CLNS1A: variants seen among roughly 807,000 people sequenced by gnomAD.
CLNS1A encodes chloride nucleotide-sensitive channel 1A, also known as methylosome subunit pICln.
Under a neutral mutation model 29.4 loss-of-function variants are expected in CLNS1A, and 16 were observed. The ratio of observed to expected loss-of-function variants is 0.54; its 90% CI spans 0.37 to 0.83. CLNS1A has a LOEUF of 0.83. Among genes scored for constraint, CLNS1A ranks in the 40% least tolerant of loss-of-function variants. The pLI, the probability that CLNS1A is intolerant of heterozygous loss-of-function variation, is 0.00. For synonymous variants in CLNS1A, 96 were observed against 104.8 expected (o/e 0.92, Z 0.51); for missense variants, 235 against 287.4 (o/e 0.82, Z 1.32).
intron 1 of CLNS1A, among the ~76,000 whole-genome samples, chr11:77,636,804 G>A (rs1260096612): frequency 1.3e-5 from 2 of 152,076 alleles, no homozygotes; most frequent in African/African-American, 4.8e-5. Context: ...ATATCTGAAG[G>A]GCAGGAAAGA....
At chr11:77,633,028 A>G (rs1959090144) in intron 1 of CLNS1A, among the ~76,000 whole-genome samples, 1 of 147,670 alleles carries the variant, frequency 6.8e-6, no homozygotes, top group Non-Finnish European at 1.5e-5. Context: ...CGGAGGTTGC[A>G]GTGAACCAAG....
At chr11:77,623,584 C>G (rs1958985670) in intron 4 of CLNS1A, among the ~76,000 whole-genome samples, 1 of 149,328 alleles carries the variant, frequency 6.7e-6, no homozygotes, top group African/African-American at 2.5e-5. Flanking sequence ...AGAGTTAGAC[C>G]CTGTTTAAAA....
intron 5 of CLNS1A, among the ~76,000 whole-genome samples, chr11:77,621,334 G>A (rs769720404): frequency 1.3e-5 from 2 of 151,414 alleles, no homozygotes; most frequent in African/African-American, 2.4e-5. Context: ...CACAATCAGT[G>A]TATATACACA....
At chr11:77,628,470 TC>T (rs1959043258) in intron 2 of CLNS1A, among the ~76,000 whole-genome samples, 1 of 152,232 alleles carries the variant, frequency 6.6e-6, no homozygotes, top group South Asian at 2.1e-4. Flanking sequence ...TTCCTCATCC[TC>T]TTTTTCAAAC....
rs549419364 is a variant in CLNS1A at position 77,635,039 on chromosome 11, A to G, written c.125+2551T>C. Among the ~76,000 whole-genome samples, 5 of 152,316 alleles carry G rather than the reference A, an allele frequency of 3.3e-5. No homozygotes were observed. In the East Asian group the frequency reaches 9.7e-4, roughly 29 times the overall value. ...AGGCTGGTCAAGAACTCCTGGACTC[A>G]AGGGATCTGCTCACCTTGGCCTTCC... On this transcript the variant is annotated intron_variant, in intron 1 of 6. Coordinates refer to ENST00000525428, the MANE Select transcript of CLNS1A (RefSeq NM_001293.3).
Position 77,620,205 on chromosome 11 carries a change from G to C in CLNS1A, c.647-510C>G, listed in dbSNP as rs147234831. Among the ~76,000 whole-genome samples the C allele has an allele frequency of 6.2e-3, 945 of 152,254 alleles. 4 individuals carry two copies. The highest frequency in any genetic ancestry group is 9.2e-3 in the Non-Finnish European group (629 of 68,018). On this transcript the variant is annotated intron_variant, in intron 5 of 6. Transcript: ENST00000525428. ...CTTGAATTCCCACGTGTTGTGGGAG[G>C]GATCTGGTGGGAGGTAACTGAATTA... is the stretch of plus-strand genomic sequence containing the variant.
At chr11:77,631,790 T>G in intron 1 of CLNS1A, among the ~76,000 whole-genome samples, 1 of 151,854 alleles carries the variant, frequency 6.6e-6, no homozygotes. Context: ...CAGGCTGGAG[T>G]GCAGTAGCAT....
At chr11:77,625,172 A>G in intron 3 of CLNS1A, 102 bp from the exon 4 acceptor site, 1 of 734,472 alleles carries the variant, frequency 1.4e-6, no homozygotes, top group East Asian at 2.6e-5. Context: ...AGTATTTACA[A>G]AATCTGCCAA....
intron 4 of CLNS1A, 147 bp from the exon 5 acceptor site, chr11:77,622,820 C>T (rs192031492): frequency 3.4e-4 from 189 of 558,268 alleles, no homozygotes; most frequent in African/African-American, 2.1e-3. Context: ...TGGTGGCACG[C>T]GCCTGTTGTC....
rs1312161853 is a variant in CLNS1A, at chr11:77,616,083, A to C, written c.*635T>G. ...CAAAAATAAAGCCAACAAAATTCTCATATTTGCCAGCATTATTTTTTAAAA... is the reference window on the plus strand; with the variant it reads ...CAAAAATAAAGCCAACAAAATTCTCCTATTTGCCAGCATTATTTTTTAAAA... On this transcript the variant is annotated 3_prime_UTR_variant, in exon 7 of 7. Transcript: ENST00000525428. The C allele has an allele frequency of 6.7e-6, 1 of 149,480 alleles. No homozygotes were observed. The highest frequency in any genetic ancestry group is 1.5e-5 in the Non-Finnish European group (1 of 67,850). 9.3% of individuals were successfully genotyped at this position (149,480 alleles called of 1,614,324 possible).
In CLNS1A at chr11:77,622,667, C is replaced by T; in HGVS notation, c.479G>A (p.Gly160Glu). ...GTAAAATGTAGGGATGTCCCCCTGT[C>T]CTTGTTCTAAACAAACAGAAAACTT... is the stretch of plus-strand genomic sequence containing the variant. The part of the protein sequence containing the change: ...EEYDVEAHEQ[G>E]QGDIPTFYTY... The change falls in exon 5 of 7, where the codon GGA (glycine) becomes GAA (glutamate). Residue 160 changes from glycine (G) to glutamate (E), a missense_variant. By Grantham distance (98) the Gly-to-Glu change is moderately conservative. Transcript: ENST00000525428. 6.3e-7 allele frequency: 1 copy of T among 1,579,930 alleles called. No individual in the cohort carries two copies. The highest frequency in any genetic ancestry group is 8.6e-7 in the Non-Finnish European group (1 of 1,169,556).
intron 6 of CLNS1A, among the ~76,000 whole-genome samples, chr11:77,619,101 AC>A (rs1565123708): frequency 6.6e-6 from 1 of 152,216 alleles, no homozygotes; most frequent in Non-Finnish European, 1.5e-5. Flanking sequence ...TATGAACATG[AC>A]CTTCAGTTAT....
At position 77,631,443 on chromosome 11, in the gene CLNS1A, C is replaced by T. The variant is rs984132640; in HGVS notation, c.126-1544G>A. 2.6e-5 allele frequency among the ~76,000 whole-genome samples: 4 copies of T among 151,624 alleles called. No homozygotes were observed. The South Asian group carries it at 8.3e-4, about 32-fold the overall frequency. On this transcript the variant is annotated intron_variant, in intron 1 of 6. Coordinates refer to ENST00000525428, the MANE Select transcript of CLNS1A (RefSeq NM_001293.3). ...TCACGCCATTCTCTTGCCTCAGCCT[C>T]CCCAGTAGCTGGGACTACAGGCGCC...
intron 2 of CLNS1A, among the ~76,000 whole-genome samples, chr11:77,627,437 CA>C (rs1426985403): frequency 2.5e-5 from 3 of 121,864 alleles, no homozygotes; most frequent in Non-Finnish European, 3.4e-5. Context: ...GACTCCATCT[CA>C]AAAAAAAAGA....
chr11:77,624,002 G>A (rs540882715), intron 4 of CLNS1A, among the ~76,000 whole-genome samples: 10 of 152,348 alleles, frequency 6.6e-5, no homozygotes, highest in Non-Finnish European at 1.3e-4. Context: ...GGTGGCTCAT[G>A]CCTGTAACCC....
At chr11:77,622,997 A>G (rs1033174015) in intron 4 of CLNS1A, among the ~76,000 whole-genome samples, 1 of 151,992 alleles carries the variant, frequency 6.6e-6, no homozygotes, top group African/African-American at 2.4e-5. Context: ...TACTGTCCAA[A>G]TAGGCTTCCA....
At chr11:77,635,355 C>CTTTT (rs796095213) in intron 1 of CLNS1A, among the ~76,000 whole-genome samples, 1 of 134,206 alleles carries the variant, frequency 7.5e-6, no homozygotes, top group Non-Finnish European at 1.6e-5. Context: ...TGAAATTTTT[C>CTTTT]TTTTTTTTTT....
At chr11:77,622,280 A>C (rs3781616) in intron 5 of CLNS1A, among the ~76,000 whole-genome samples, 24,045 of 152,156 alleles carry the variant, frequency 0.16, 2,244 homozygotes, top group African/African-American at 0.23. Flanking sequence ...ACATTAAAAA[A>C]ATTTTTTTGA....
chr11:77,634,017 C>T (rs1959098900), intron 1 of CLNS1A, among the ~76,000 whole-genome samples: 1 of 151,886 alleles, frequency 6.6e-6, no homozygotes, highest in Non-Finnish European at 1.5e-5. Flanking sequence ...AAAAGAATAG[C>T]TTGAACTCAG....
Sources: allele counts gnomAD v4.1 joint callset (sites outside exome capture counted in the v4.1 genomes callset), GRCh38; gene constraint gnomAD v4.1.1; transcripts MANE v1.5; gene names NCBI Gene and HGNC (gene_info 2026-07-23, HGNC 2026-07-21).